Variants in SLC4A7 observed in about 807,000 individuals in gnomAD.
SLC4A7 encodes sodium bicarbonate cotransporter 3.
SLC4A7 carries 51 observed loss-of-function variants against 137.6 expected under a neutral mutation model. The observed-to-expected ratio is 0.37, with a 90% CI of 0.30 to 0.47. The LOEUF is 0.47. Among genes scored for constraint, SLC4A7 ranks in the 20% least tolerant of loss-of-function variants. SLC4A7 has a pLI of 1.00. For synonymous variants in SLC4A7, 542 were observed against 518.6 expected (o/e 1.05, Z -0.61); for missense variants, 1,247 against 1,525.4 (o/e 0.82, Z 3.04).
rs2054998323 is a variant in SLC4A7 at position 27,421,726 on chromosome 3, G to C, written c.1320C>G (p.Val440=). ...CCAAAAAGTCTACTTCGCCCACCAG[G>C]ACGTTGGATGCCTCAGCACCCGTAG... ...KIPTGAEASN[V]LVGEVDFLER... is the part of the protein sequence containing the mutation. The change falls in exon 9 of 26, where the codon GTC becomes GTG. Residue 440 remains valine, a synonymous_variant. Coordinates refer to ENST00000454389, the MANE Select transcript of SLC4A7 (RefSeq NM_001321103.2). 7 of 1,613,624 alleles carry C rather than the reference G, an allele frequency of 4.3e-6. No individual in the cohort carries two copies. The highest frequency in any genetic ancestry group is 5.9e-6 in the Non-Finnish European group (7 of 1,179,722).
chr3:27,453,352 C>T (rs553996456), intron 1 of SLC4A7, among the ~76,000 whole-genome samples: 128 of 152,326 alleles, frequency 8.4e-4, no homozygotes, highest in Non-Finnish European at 1.7e-3. Flanking sequence ...TGGTTGCTCA[C>T]GCCTATAATT....
At chr3:27,479,780 A>C (rs1227825112) in intron 1 of SLC4A7, among the ~76,000 whole-genome samples, 3 of 152,214 alleles carry the variant, frequency 2.0e-5, no homozygotes, top group South Asian at 4.1e-4. Flanking sequence ...TACAGAGGAA[A>C]TTGTAATCAT....
chr3:27,467,901 A>T (rs1402790655), intron 1 of SLC4A7, among the ~76,000 whole-genome samples: 3 of 152,240 alleles, frequency 2.0e-5, no homozygotes, highest in African/African-American at 7.2e-5. Context: ...AATTTCATTC[A>T]GAAAAAAATT....
chr3:27,445,725 C>T (rs533300649), intron 3 of SLC4A7, among the ~76,000 whole-genome samples: 77 of 143,546 alleles, frequency 5.4e-4, no homozygotes, highest in Non-Finnish European at 9.9e-4. Flanking sequence ...CGAGACCAGC[C>T]TGGCCAACAT....
intron 1 of SLC4A7, among the ~76,000 whole-genome samples, chr3:27,479,396 C>T (rs952042380): frequency 2.0e-5 from 3 of 150,656 alleles, no homozygotes; most frequent in African/African-American, 7.3e-5. Flanking sequence ...CCTGGGCAAC[C>T]CTGAGGATGA....
chr3:27,424,656 A>G (rs990265349), intron 7 of SLC4A7, among the ~76,000 whole-genome samples: 1 of 152,226 alleles, frequency 6.6e-6, no homozygotes, highest in Non-Finnish European at 1.5e-5. Flanking sequence ...GAAGTTTCCT[A>G]AAGACTTTTC....
intron 11 of SLC4A7, among the ~76,000 whole-genome samples, chr3:27,416,523 G>C (rs1157701414): frequency 6.6e-6 from 1 of 151,928 alleles, no homozygotes; most frequent in Non-Finnish European, 1.5e-5. Flanking sequence ...ATGCATTCAG[G>C]AATACCTAAT....
chr3:27,474,619 G>A (rs2059390836), intron 1 of SLC4A7, among the ~76,000 whole-genome samples: 1 of 151,892 alleles, frequency 6.6e-6, no homozygotes, highest in African/African-American at 2.4e-5. Context: ...GCTGAGGCAG[G>A]AGAATCACTT....
At chr3:27,483,252 T>A (rs770846220) in intron 1 of SLC4A7, among the ~76,000 whole-genome samples, 3 of 152,230 alleles carry the variant, frequency 2.0e-5, no homozygotes, top group Admixed American at 6.5e-5. Context: ...TCACCCATCA[T>A]CACAAATGGG....
At chr3:27,481,119 A>G (rs1003708159) in intron 1 of SLC4A7, among the ~76,000 whole-genome samples, 3 of 152,192 alleles carry the variant, frequency 2.0e-5, no homozygotes, top group Non-Finnish European at 2.9e-5. Context: ...CTTCTAAACC[A>G]TGCTATTTAT....
chr3:27,463,292 G>A (rs1240921062), intron 1 of SLC4A7, among the ~76,000 whole-genome samples: 3 of 152,206 alleles, frequency 2.0e-5, no homozygotes, highest in Admixed American at 1.3e-4. Flanking sequence ...TTAGCCAGGC[G>A]TGGTGGCGGG....
intron 7 of SLC4A7, among the ~76,000 whole-genome samples, chr3:27,429,921 G>GA (rs1389212724): frequency 6.6e-6 from 1 of 150,670 alleles, no homozygotes; most frequent in Non-Finnish European, 1.5e-5. Context: ...GCATTAAATA[G>GA]AAAAAAAGGT....
intron 1 of SLC4A7, among the ~76,000 whole-genome samples, chr3:27,458,108 G>A (rs2058505403): frequency 6.6e-6 from 1 of 152,136 alleles, no homozygotes; most frequent in African/African-American, 2.4e-5. Context: ...ATATGCAGCA[G>A]AAATGTTTTT....
chr3:27,377,527 T>C (rs2050017252), intron 25 of SLC4A7, among the ~76,000 whole-genome samples: 1 of 151,998 alleles, frequency 6.6e-6, no homozygotes, highest in Non-Finnish European at 1.5e-5. Context: ...CGAGTAGCTG[T>C]GATTACAGGC....
chr3:27,385,888 T>A lies in SLC4A7; in HGVS notation c.3492+4A>T. On this transcript the variant is annotated splice_donor_region_variant and intron_variant, in intron 23 of 25. Transcript: ENST00000454389. ...GTGTAAGTTTAAAATTGTTATCTTT[T>A]TACCTCTTTCTCTTTTTTCTTTTTG... 6.5e-7 allele frequency: 1 copy of A among 1,535,934 alleles called. No homozygotes were observed. The highest frequency in any genetic ancestry group is 8.9e-7 in the Non-Finnish European group (1 of 1,118,646).
intron 7 of SLC4A7, among the ~76,000 whole-genome samples, chr3:27,425,186 C>T (rs529239477): frequency 7.9e-5 from 12 of 151,818 alleles, no homozygotes; most frequent in Non-Finnish European, 1.5e-4. Context: ...GTCTGGCTAA[C>T]ATGGTGAAAC....
chr3:27,463,339 A>G (rs1188207349), intron 1 of SLC4A7, among the ~76,000 whole-genome samples: 2 of 152,140 alleles, frequency 1.3e-5, no homozygotes, highest in African/African-American at 2.4e-5. Flanking sequence ...CTGGGGCAAG[A>G]GAATAGCGTG....
intron 22 of SLC4A7, among the ~76,000 whole-genome samples, chr3:27,387,886 C>T (rs1264874923): frequency 6.6e-6 from 1 of 152,194 alleles, no homozygotes; most frequent in Non-Finnish European, 1.5e-5. Flanking sequence ...CTGCCCACCC[C>T]CACATACTGC....
At chr3:27,382,313 C>T (rs1480564383) in intron 24 of SLC4A7, among the ~76,000 whole-genome samples, 2 of 151,876 alleles carry the variant, frequency 1.3e-5, no homozygotes, top group African/African-American at 4.8e-5. Context: ...ACAGGTTTCC[C>T]CATGTTGGCC....
Sources: gnomAD v4.1 joint callset for allele counts (sites outside exome capture counted in the v4.1 genomes callset) on GRCh38, gnomAD v4.1.1 for gene constraint, MANE v1.5 for transcripts, NCBI Gene and HGNC (gene_info 2026-07-23, HGNC 2026-07-21) for gene names.